Variants in OSGEP observed in about 807,000 individuals in gnomAD.
OSGEP encodes O-sialoglycoprotein endopeptidase, also known as tRNA N6-adenosine threonylcarbamoyltransferase.
OSGEP carries 39 observed loss-of-function variants against 44.1 expected under a neutral mutation model. The observed-to-expected ratio is 0.88, with a 90% confidence interval of 0.69 to 1.16. The LOEUF is 1.16. Among genes scored for constraint, OSGEP ranks in the 50% most tolerant of loss-of-function variants. The pLI is 0.00. For synonymous variants in OSGEP, 139 were observed against 161.9 expected (o/e 0.86, Z 1.07); for missense variants, 403 against 443.1 (o/e 0.91, Z 0.81).
At position 20,452,102 on chromosome 14, in the gene OSGEP, T is replaced by C. The variant is rs775215822; in HGVS notation, c.283A>G (p.Thr95Ala). 21 of 1,613,500 alleles carry C rather than the reference T, an allele frequency of 1.3e-5. No individual in the cohort carries two copies. The highest frequency in any genetic ancestry group is 8.3e-5 in the Admixed American group (5 of 59,980). Residue 95 changes from threonine to alanine, a missense_variant, in exon 3 of 11, where the codon ACT becomes GCT. Coordinates refer to ENST00000206542, the MANE Select transcript of OSGEP (RefSeq NM_017807.4). ...GGCTTATTCCACAGTTGGGCCACAG[T>C]ACGGGCCACAACAGCCACAGAAACC... The part of the protein sequence containing the change: ...PLVSVAVVAR[T>A]VAQLWNKPLV...
Position 20,452,143 on chromosome 14 carries a change from C to A in OSGEP, c.242G>T (p.Gly81Val). The A allele has an allele frequency of 6.2e-7, 1 of 1,609,724 alleles. No individual in the cohort carries two copies. Among genetic ancestry groups the A allele is most frequent in the Non-Finnish European group, 8.5e-7 (1 of 1,178,194 alleles). ...CACAGAAACCAGTGGGGCACCCATGCCAGGGCCTAGGGAGATAGAAATGGA... is the reference window on the plus strand; with the variant it reads ...CACAGAAACCAGTGGGGCACCCATGACAGGGCCTAGGGAGATAGAAATGGA... The part of the protein sequence containing the change: ...IDCIAYTKGP[G>V]MGAPLVSVAV... The change falls in exon 3 of 11, where the codon GGC (glycine) becomes GTC (valine). Residue 81 changes from glycine to valine, a missense_variant. By Grantham distance (109) the Gly-to-Val change is moderately radical. Coordinates refer to ENST00000206542, the MANE Select transcript of OSGEP (RefSeq NM_017807.4).
At position 20,447,011 on chromosome 14, in the gene OSGEP, C is replaced by A; in HGVS notation, c.*229G>T. The A allele has an allele frequency of 2.1e-6, 1 of 468,216 alleles. No homozygotes were observed. The highest frequency in any genetic ancestry group is 3.8e-6 in the Non-Finnish European group (1 of 263,812). 29.0% of individuals were successfully genotyped at this position (468,216 alleles called of 1,614,324 possible). A position where few individuals can be genotyped will look rare whatever the true frequency, so the allele number is the denominator to read the frequency against. On this transcript the variant is annotated 3_prime_UTR_variant, in exon 11 of 11. Coordinates refer to ENST00000206542, the MANE Select transcript of OSGEP (RefSeq NM_017807.4). ...CAAGCTCCAACAAGAATTTATCCAG[C>A]ACCAAATCTACATTGGTCCTGAACA...
At position 20,452,088 on chromosome 14, in the gene OSGEP, C is replaced by G. The variant is rs1371717137; in HGVS notation, c.297G>C (p.Leu99=). 1 of 1,613,940 alleles carries G rather than the reference C, an allele frequency of 6.2e-7. No individual in the cohort carries two copies. Among genetic ancestry groups the G allele is most frequent in the East Asian group, 2.2e-5 (1 of 44,894 alleles). ...VAVVARTVAQ[L]WNKPLVGVNH... ...TCACACCCACCAATGGCTTATTCCA[C>G]AGTTGGGCCACAGTACGGGCCACAA... The change falls in exon 3 of 11, where the codon CTG becomes CTC. Residue 99 remains leucine, a synonymous_variant. Coordinates refer to ENST00000206542, the MANE Select transcript of OSGEP (RefSeq NM_017807.4).
chr14:20,450,693 T>C (rs1881073544), intron 3 of OSGEP: 2 of 152,264 alleles, frequency 1.3e-5, no homozygotes, highest in Admixed American at 1.3e-4. Flanking sequence ...AACCCTTTCA[T>C]GAGCTGGGGA....
intron 1 of OSGEP, 90 bp from the exon 2 acceptor site, chr14:20,452,538 T>G: frequency 7.8e-7 from 1 of 1,279,018 alleles, no homozygotes; most frequent in Non-Finnish European, 1.1e-6. Context: ...GTTTTAGTGA[T>G]GTAGTAAGAG....
chr14:20,451,304 T>TTTTGTTTG (rs1161009594), intron 3 of OSGEP: 2 of 301,296 alleles, frequency 6.6e-6, no homozygotes, highest in African/African-American at 4.7e-5. Context: ...TTTTTTTGTT[T>TTTTGTTTG]TTTGTTTGTT....
intron 3 of OSGEP, chr14:20,449,561 A>C: frequency 3.0e-6 from 1 of 333,702 alleles, no homozygotes; most frequent in Non-Finnish European, 5.7e-6. Context: ...ATATCCCTTA[A>C]ATGCAGTCTT....
chr14:20,454,463 A>G, intron 1 of OSGEP, 106 bp downstream of exon 1: 1 of 833,556 alleles, frequency 1.2e-6, no homozygotes, highest in South Asian at 1.3e-5. Context: ...CATAATTTCA[A>G]TGAGACTCGG....
At chr14:20,448,422 T>C (rs1881014800) in intron 6 of OSGEP, among the ~76,000 whole-genome samples, 1 of 152,202 alleles carries the variant, frequency 6.6e-6, no homozygotes, top group South Asian at 2.1e-4. Flanking sequence ...ATTTTTCACC[T>C]GTACTCATCA....
chr14:20,448,992 C>A lies in OSGEP; in HGVS notation c.529G>T (p.Gly177Ter). Reference protein sequence around the residue: ...VLKISNDPSPGYNIEQMAKRG... With the variant: ...VLKISNDPSP ...TTTGCCATCTGTTCAATGTTGTATC[C>A]TGGACTTGGGTCGTTAGAAATCTAG... Residue 177 changes from glycine (G) to a stop codon, truncating the protein, a stop_gained, in exon 5 of 11, where the codon GGA becomes TGA. Coordinates refer to ENST00000206542, the MANE Select transcript of OSGEP (RefSeq NM_017807.4). LOFTEE classifies it high-confidence loss of function. The A allele has an allele frequency of 6.2e-7, 1 of 1,614,104 alleles. No individual in the cohort carries two copies. Among genetic ancestry groups the A allele is most frequent in the Non-Finnish European group, 8.5e-7 (1 of 1,180,002 alleles).
At position 20,452,009 on chromosome 14, in the gene OSGEP, G is replaced by C; in HGVS notation, c.376C>G (p.Pro126Ala). 6.2e-7 allele frequency: 1 copy of C among 1,612,638 alleles called. No homozygotes were observed. Among genetic ancestry groups the C allele is most frequent in the Non-Finnish European group, 8.5e-7 (1 of 1,179,384 alleles). Residue 126 changes from proline to alanine, a missense_variant, in exon 3 of 11, where the codon CCA becomes GCA. Physicochemically the swap from Pro to Ala is conservative, Grantham distance 27. Coordinates refer to ENST00000206542, the MANE Select transcript of OSGEP (RefSeq NM_017807.4). The part of the protein sequence containing the change: ...MGRLITGATS[P>A]TVLYVSGGNT... ...CCTCCACTCACATACAACACGGTTG[G>C]GCTGGTGGCTCCAGTGATGAGGCGG...
chr14:20,453,848 G>A (rs545637968), intron 1 of OSGEP, among the ~76,000 whole-genome samples: 2 of 151,962 alleles, frequency 1.3e-5, no homozygotes, highest in African/African-American at 2.4e-5. Context: ...TGGAAACCCC[G>A]ACTCTACTAA....
intron 1 of OSGEP, 25 bp downstream of exon 1, chr14:20,454,544 A>G: frequency 6.6e-7 from 1 of 1,509,754 alleles, no homozygotes. Context: ...TGCGCGGAAA[A>G]CTCTTAAGTC....
In OSGEP at chr14:20,447,970, C is replaced by T; in HGVS notation, c.727G>A (p.Glu243Lys). 6.2e-7 allele frequency: 1 copy of T among 1,614,090 alleles called. No homozygotes were observed. Among genetic ancestry groups the T allele is most frequent in the Non-Finnish European group, 8.5e-7 (1 of 1,179,908 alleles). ...TGTGCCATGGCTCGCTCTGTGATCT[C>T]TACCAGCATTGCAAACACAGTTTCC... ...LQETVFAMLVEITERAMAHCG... is the reference protein window; with the variant it reads ...LQETVFAMLVKITERAMAHCG... The change falls in exon 8 of 11, where the codon GAG becomes AAG. Residue 243 changes from glutamate (E) to lysine (K), a missense_variant. Physicochemically the swap from Glu to Lys is moderately conservative, Grantham distance 56. Transcript: ENST00000206542.
Position 20,448,994 on chromosome 14 carries a change from G to A in OSGEP, c.527C>T (p.Pro176Leu). 1 of 1,614,026 alleles carries A rather than the reference G, an allele frequency of 6.2e-7. No individual in the cohort carries two copies. Among genetic ancestry groups the A allele is most frequent in the Non-Finnish European group, 8.5e-7 (1 of 1,179,920 alleles). The change falls in exon 5 of 11, where the codon CCA becomes CTA. Residue 176 changes from proline (P) to leucine (L), a missense_variant. Transcript: ENST00000206542. ...RVLKISNDPS[P>L]GYNIEQMAKR... is the part of the protein sequence containing the mutation. ...TGCCATCTGTTCAATGTTGTATCCT[G>A]GACTTGGGTCGTTAGAAATCTAGCA...
At position 20,447,796 on chromosome 14, in the gene OSGEP, G is replaced by A. The variant is rs1314817707; in HGVS notation, c.794-106C>T. 14 of 1,228,060 alleles carry A rather than the reference G, an allele frequency of 1.1e-5. No individual in the cohort carries two copies. In the Admixed American group the frequency reaches 2.2e-4, roughly 19 times the overall value. 76.1% of individuals were successfully genotyped at this position (1,228,060 alleles called of 1,614,324 possible). A position where few individuals can be genotyped will look rare whatever the true frequency, so the allele number is the denominator to read the frequency against. The stretch of plus-strand genomic sequence containing the variant: ...TTAGAACAATGACATAGGGGATTAG[G>A]GGCAAGGATTGGGAAGCCTACTCCA... On this transcript the variant is annotated intron_variant, in intron 8 of 10. Coordinates refer to ENST00000206542, the MANE Select transcript of OSGEP (RefSeq NM_017807.4).
rs1348475750 is a variant in OSGEP, at chr14:20,452,205, G to A, written c.236-56C>T. The A allele has an allele frequency of 4.4e-6, 7 of 1,580,898 alleles. No individual in the cohort carries two copies. In the South Asian group the frequency reaches 8.1e-5, roughly 18 times the overall value. ...TAGAGATTGGAAAAAAACAATAGTG[G>A]GGGACATAAGGGATGTGAGGTGGGG... On this transcript the variant is annotated intron_variant, in intron 2 of 10. Transcript: ENST00000206542.
rs1440747165 is a variant in OSGEP at position 20,447,908 on chromosome 14, C to T, written c.789G>A (p.Val263=). ...GSQEALIVGG[V]GCNVRLQEMM... is the part of the protein sequence containing the mutation. ...ACACTTTTCAATAATACATACACCCCACTCCTCCCACAATGAGGGCCTCCT... is the reference window on the plus strand; with the variant it reads ...ACACTTTTCAATAATACATACACCCTACTCCTCCCACAATGAGGGCCTCCT... Residue 263 remains valine, a synonymous_variant, in exon 8 of 11, where the codon GTG becomes GTA. Coordinates refer to ENST00000206542, the MANE Select transcript of OSGEP (RefSeq NM_017807.4). 1 of 1,601,828 alleles carries T rather than the reference C, an allele frequency of 6.2e-7. No homozygotes were observed. Among genetic ancestry groups the T allele is most frequent in the Non-Finnish European group, 8.6e-7 (1 of 1,168,780 alleles).
At chr14:20,450,493 TAA>T (rs1566508906) in intron 3 of OSGEP, 1 of 150,792 alleles carries the variant, frequency 6.6e-6, no homozygotes, top group African/African-American at 2.5e-5. Context: ...AAGCAAACAT[TAA>T]AAGAGAAGAG....
Sources: gnomAD v4.1 joint callset for allele counts (sites outside exome capture counted in the v4.1 genomes callset) on GRCh38, gnomAD v4.1.1 for gene constraint, MANE v1.5 for transcripts, NCBI Gene and HGNC (gene_info 2026-07-23, HGNC 2026-07-21) for gene names.